The following FOXN3 variants were observed in gnomAD, a reference collection of about 807,000 sequenced individuals.
FOXN3 encodes forkhead box N3, also known as forkhead box protein N3.
FOXN3 carries 7 observed loss-of-function variants against 38.4 expected under a neutral mutation model. That is an observed-to-expected ratio of 0.18 (90% CI 0.10 to 0.34). The LOEUF is 0.34. FOXN3 is among the 10% of genes least tolerant of loss of function. FOXN3 has a pLI of 1.00. For synonymous variants in FOXN3, 230 were observed against 242.2 expected, an observed-to-expected ratio of 0.95 and a Z score of 0.47; for missense variants, 456 against 613.4, an observed-to-expected ratio of 0.74 and a Z score of 2.71.
chr14:89,403,390 G>A (rs1389795851), intron 2 of FOXN3, among the ~76,000 whole-genome samples: 1 of 152,052 alleles, frequency 6.6e-6, no homozygotes, highest in African/African-American at 2.4e-5. Context: ...TAGAGACAGG[G>A]TTTCACCATG....
chr14:89,246,133 T>C (rs368803620), intron 4 of FOXN3, among the ~76,000 whole-genome samples: 9 of 152,208 alleles, frequency 5.9e-5, no homozygotes, highest in African/African-American at 2.2e-4. Context: ...GTACTTTAAA[T>C]AGGTGAATTG....
intron 3 of FOXN3, among the ~76,000 whole-genome samples, chr14:89,316,911 A>C (rs1310302371): frequency 6.7e-6 from 1 of 150,066 alleles, no homozygotes. Flanking sequence ...GTGATCTGCC[A>C]GCCTTGGCCT....
At chr14:89,252,878 G>A (rs1032508739) in intron 4 of FOXN3, among the ~76,000 whole-genome samples, 3 of 152,204 alleles carry the variant, frequency 2.0e-5, no homozygotes, top group African/African-American at 7.2e-5. Flanking sequence ...TTTCAACTGA[G>A]TGTGTGCACA....
intron 3 of FOXN3, among the ~76,000 whole-genome samples, chr14:89,287,107 A>G (rs1468767549): frequency 6.6e-6 from 1 of 151,902 alleles, no homozygotes; most frequent in African/African-American, 2.4e-5. Flanking sequence ...TGATGGGGGA[A>G]AAAAATTGCT....
intron 5 of FOXN3, among the ~76,000 whole-genome samples, chr14:89,166,681 G>T (rs903495227): frequency 6.6e-6 from 1 of 152,214 alleles, no homozygotes; most frequent in Non-Finnish European, 1.5e-5. Flanking sequence ...CAGGGAGTGA[G>T]AATTAAAATA....
chr14:89,364,112 A>G (rs1223491573), intron 2 of FOXN3, among the ~76,000 whole-genome samples: 1 of 150,090 alleles, frequency 6.7e-6, no homozygotes, highest in Non-Finnish European at 1.5e-5. Flanking sequence ...ACACTTCAAA[A>G]ATTTAAAAAG....
At chr14:89,492,597 G>C (rs118042541) in intron 1 of FOXN3, among the ~76,000 whole-genome samples, 1 of 152,068 alleles carries the variant, frequency 6.6e-6, no homozygotes, top group Admixed American at 6.6e-5. Context: ...CTGTTGTCCC[G>C]GCTACTTGGG....
chr14:89,325,301 ACACCACCACCACGACCACCAC>A (rs1436476416), intron 3 of FOXN3, among the ~76,000 whole-genome samples: 23 of 80,254 alleles, frequency 2.9e-4, no homozygotes, highest in African/African-American at 1.0e-3. Context: ...ACCAACACCA[ACACCACCACCACGACCACCAC>A]CACCACCACC....
At chr14:89,374,662 G>C (rs1001936178) in intron 2 of FOXN3, among the ~76,000 whole-genome samples, 26 of 152,088 alleles carry the variant, frequency 1.7e-4, no homozygotes, top group African/African-American at 6.3e-4. Context: ...CAGAGTAAAA[G>C]AAGTTAGACA....
intron 2 of FOXN3, among the ~76,000 whole-genome samples, chr14:89,405,264 G>A (rs972731638): frequency 6.6e-6 from 1 of 152,150 alleles, no homozygotes; most frequent in African/African-American, 2.4e-5. Context: ...AGCCTCCCAA[G>A]TAGCTGAGAT....
intron 2 of FOXN3, among the ~76,000 whole-genome samples, chr14:89,397,192 C>T (rs1891121359): frequency 6.6e-6 from 1 of 151,996 alleles, no homozygotes; most frequent in Non-Finnish European, 1.5e-5. Flanking sequence ...GAACAGAAAA[C>T]CAAATACCAC....
rs1273781701 is a variant in FOXN3, at chr14:89,423,503, A to G, written c.-14-11013T>C. ...CAGGGGTCATAAATAAAATTTAAAA[A>G]CAAATGAAATATTGGACATGCAGAT... On this transcript the variant is annotated intron_variant, in intron 1 of 6. Coordinates refer to the FOXN3 transcript ENST00000345097. 2.6e-5 allele frequency among the ~76,000 whole-genome samples: 4 copies of G among 152,200 alleles called. No homozygotes were observed. The East Asian group carries it at 7.7e-4, about 29-fold the overall frequency.
chr14:89,202,649 C>T (rs893861071), intron 4 of FOXN3, among the ~76,000 whole-genome samples: 55 of 152,104 alleles, frequency 3.6e-4, no homozygotes, highest in African/African-American at 1.3e-3. Context: ...TGAGTTCTTG[C>T]TCTATGTGTT....
At chr14:89,360,738 AGCACCACCT>A (rs1198696858) in intron 2 of FOXN3, among the ~76,000 whole-genome samples, 80 of 132,644 alleles carry the variant, frequency 6.0e-4, no homozygotes, top group Middle Eastern at 3.7e-3. Context: ...CACCACCTCC[AGCACCACCT>A]CCACCACCAC....
intron 4 of FOXN3, among the ~76,000 whole-genome samples, chr14:89,202,927 C>G (rs1363185105): frequency 1.3e-5 from 2 of 151,982 alleles, no homozygotes; most frequent in Non-Finnish European, 2.9e-5. Flanking sequence ...ACTTTGGAGC[C>G]TAAATCTCTA....
At chr14:89,315,634 C>T (rs968218760) in intron 3 of FOXN3, among the ~76,000 whole-genome samples, 3 of 152,202 alleles carry the variant, frequency 2.0e-5, no homozygotes, top group African/African-American at 7.2e-5. Context: ...GAATATGCAG[C>T]TCAGACTCAG....
intron 4 of FOXN3, among the ~76,000 whole-genome samples, chr14:89,198,569 C>A (rs553190528): frequency 3.3e-5 from 5 of 152,288 alleles, no homozygotes; most frequent in South Asian, 4.2e-4. Flanking sequence ...GTATACTAAG[C>A]CAGTATTTCC....
chr14:89,485,542 T>C (rs1036532886), intron 1 of FOXN3, among the ~76,000 whole-genome samples: 11 of 150,122 alleles, frequency 7.3e-5, no homozygotes, highest in African/African-American at 2.7e-4. Flanking sequence ...TGTGTGAGAG[T>C]AGAGTAAATA....
At chr14:89,453,005 C>T (rs1892644324) in intron 1 of FOXN3, among the ~76,000 whole-genome samples, 1 of 151,900 alleles carries the variant, frequency 6.6e-6, no homozygotes, top group Admixed American at 6.6e-5. Context: ...TCCAGACCAG[C>T]CTGGCCAATG....
Sources: gnomAD v4.1 joint callset for allele counts (sites outside exome capture counted in the v4.1 genomes callset) on GRCh38, gnomAD v4.1.1 for gene constraint, MANE v1.5 for transcripts, NCBI Gene and HGNC (gene_info 2026-07-23, HGNC 2026-07-21) for gene names.